The following NR3C1 variants were observed in gnomAD, a reference collection of about 807,000 sequenced individuals.
The protein encoded by NR3C1 is glucocorticoid receptor.
A neutral mutation model predicts 74.0 loss-of-function variants in NR3C1; 14 were observed. The ratio of observed to expected loss-of-function variants is 0.19; its 90% CI spans 0.12 to 0.30. The LOEUF is 0.30. Ranked by LOEUF, NR3C1 falls within the 10% of genes least tolerant of loss-of-function variation. The pLI is 1.00. For synonymous variants in NR3C1, 308 were observed against 332.5 expected, an observed-to-expected ratio of 0.93 and a Z score of 0.80; for missense variants, 695 against 909.8, an observed-to-expected ratio of 0.76 and a Z score of 3.04.
chr5:143,333,101 G>A, intron 2 of NR3C1: 1 of 1,594,522 alleles, frequency 6.3e-7, no homozygotes, highest in Non-Finnish European at 8.5e-7. Context: ...ATTTCCAGGA[G>A]ATCTCATGGT....
Position 143,362,629 on chromosome 5 carries a change from G to A in NR3C1, c.1184+37027C>T, listed in dbSNP as rs147054227. Among the ~76,000 whole-genome samples, 162 of 152,062 alleles carry A rather than the reference G, an allele frequency of 1.1e-3. 3 individuals carry two copies. In the East Asian group the frequency reaches 0.023, roughly 21 times the overall value. ...ACCTGCCTCAGCCTCCCAAAGTGCC[G>A]GGATTACAGGTGTGAGCCACTGTAT... On this transcript the variant is annotated intron_variant, in intron 2 of 8. Transcript: ENST00000394464.
At chr5:143,344,555 T>C (rs1431285730) in intron 2 of NR3C1, among the ~76,000 whole-genome samples, 3 of 152,166 alleles carry the variant, frequency 2.0e-5, no homozygotes, top group East Asian at 1.9e-4. Context: ...TTGTTCAACA[T>C]TGTTTTAACG....
In NR3C1 at chr5:143,279,027, CT is replaced by C. The variant is rs1205335607; in HGVS notation, c.*2861del. ...AGAATACCTACAAACACTAAAAATA[CT>C]TTTCAGGATTTGTTGTGAGTAACCA... On this transcript the variant is annotated 3_prime_UTR_variant, in exon 9 of 9. Transcript: ENST00000394464. 1 of 292,136 alleles carries C rather than the reference CT, an allele frequency of 3.4e-6. No individual in the cohort carries two copies. Among genetic ancestry groups the C allele is most frequent in the Admixed American group, 5.7e-5 (1 of 17,444 alleles). The allele number at this position is 292,136 out of a possible 1,614,324, so 18.1% of individuals were successfully genotyped here. A position where few individuals can be genotyped will look rare whatever the true frequency, so the allele number is the denominator to read the frequency against.
intron 1 of NR3C1, among the ~76,000 whole-genome samples, chr5:143,418,663 CA>C (rs1751049644): frequency 6.6e-6 from 1 of 152,074 alleles, no homozygotes; most frequent in Non-Finnish European, 1.5e-5. Flanking sequence ...AAGGTGAAGG[CA>C]GGGGTCAGGG....
chr5:143,291,710 T>A (rs1036147004), intron 7 of NR3C1, among the ~76,000 whole-genome samples: 7 of 152,216 alleles, frequency 4.6e-5, no homozygotes, highest in Non-Finnish European at 1.0e-4. Flanking sequence ...CTTTGACCTA[T>A]CTATCTTCAA....
rs1159142274 is a variant in NR3C1 at position 143,281,784 on chromosome 5, C to G, written c.*105G>C. On this transcript the variant is annotated 3_prime_UTR_variant, in exon 9 of 9. Transcript: ENST00000394464. ...TTTAAAACAAAACAACAGATGAAAA[C>G]AATAAAAAATAAAACAACAAAACCT... 11 of 1,264,710 alleles carry G rather than the reference C, an allele frequency of 8.7e-6. No homozygotes were observed. The highest frequency in any genetic ancestry group is 1.1e-5 in the Non-Finnish European group (10 of 886,266). The allele number at this position is 1,264,710 out of a possible 1,614,324, so 78.3% of individuals were successfully genotyped here.
At chr5:143,422,406 T>TA (rs573629489) in intron 1 of NR3C1, among the ~76,000 whole-genome samples, 36 of 152,312 alleles carry the variant, frequency 2.4e-4, no homozygotes, top group Non-Finnish European at 5.1e-4. Context: ...AACTCTCTGT[T>TA]TCTCACTGTT....
At chr5:143,321,397 A>T (rs1201504545) in intron 2 of NR3C1, among the ~76,000 whole-genome samples, 1 of 152,164 alleles carries the variant, frequency 6.6e-6, no homozygotes, top group African/African-American at 2.4e-5. Flanking sequence ...CTGTAACACT[A>T]TGTCAGGACC....
upstream of NR3C1, chr5:143,407,514 C>T (rs975881927): frequency 1.3e-5 from 2 of 152,174 alleles, no homozygotes; most frequent in African/African-American, 4.8e-5. Flanking sequence ...CTGTATCACC[C>T]ACCAGAACAT....
At chr5:143,293,527 T>G (rs1816420587) in intron 7 of NR3C1, among the ~76,000 whole-genome samples, 1 of 152,140 alleles carries the variant, frequency 6.6e-6, no homozygotes, top group Non-Finnish European at 1.5e-5. Context: ...TTGAAATCAT[T>G]TTAAAAAAGA....
chr5:143,307,008 T>C (rs1311895461), intron 4 of NR3C1, among the ~76,000 whole-genome samples: 1 of 149,940 alleles, frequency 6.7e-6, no homozygotes, highest in Non-Finnish European at 1.5e-5. Context: ...GCCATTCTCC[T>C]GCCTCAGCCT....
At position 143,319,810 on chromosome 5, in the gene NR3C1, A is replaced by T. The variant is rs990000854; in HGVS notation, c.1185-5642T>A. Among the ~76,000 whole-genome samples, 3 of 152,212 alleles carry T rather than the reference A, an allele frequency of 2.0e-5. No homozygotes were observed. In the South Asian group the frequency reaches 6.2e-4, roughly 32 times the overall value. The stretch of plus-strand genomic sequence containing the variant: ...GCAACATAAAGTGGAAAAGAAAAAA[A>T]AAAAGGGACCAGAAACATTTTAAAA... On this transcript the variant is annotated intron_variant, in intron 2 of 8. Transcript: ENST00000394464.
intron 2 of NR3C1, among the ~76,000 whole-genome samples, chr5:143,375,299 C>A (rs1834989233): frequency 6.6e-6 from 1 of 151,932 alleles, no homozygotes; most frequent in South Asian, 2.1e-4. Context: ...AAGATTTAAA[C>A]CTAAAAAAAA....
chr5:143,396,589 C>T (rs1176078759), intron 2 of NR3C1, among the ~76,000 whole-genome samples: 1 of 151,706 alleles, frequency 6.6e-6, no homozygotes, highest in Non-Finnish European at 1.5e-5. Context: ...TTGTACAGGT[C>T]TTCAATTTCA....
At chr5:143,366,760 G>GA (rs1833285158) in intron 2 of NR3C1, among the ~76,000 whole-genome samples, 1 of 151,974 alleles carries the variant, frequency 6.6e-6, no homozygotes, top group African/African-American at 2.4e-5. Flanking sequence ...GACTCAAGGA[G>GA]AAAAAAATCT....
chr5:143,304,163 C>G (rs1402595620), intron 4 of NR3C1, among the ~76,000 whole-genome samples: 1 of 151,944 alleles, frequency 6.6e-6, no homozygotes, highest in Non-Finnish European at 1.5e-5. Flanking sequence ...CCTAGAAAAC[C>G]CTGAAGACTC....
rs1427007779 is a variant in NR3C1 at position 143,279,405 on chromosome 5, T to TAAC, written c.*2481_*2483dup. On this transcript the variant is annotated 3_prime_UTR_variant, in exon 9 of 9. Coordinates refer to ENST00000394464, the MANE Select transcript of NR3C1 (RefSeq NM_000176.3). ...GATGTGCTTTCTGGTTTTAACCACA[T>TAAC]AACATTCTATAAAGGAATGATAATC... 5 of 1,539,556 alleles carry TAAC rather than the reference T, an allele frequency of 3.2e-6. No homozygotes were observed. The highest frequency in any genetic ancestry group is 4.2e-5 in the Admixed American group (2 of 47,934).
rs777561389 is a variant in NR3C1, at chr5:143,399,702, T to A, written c.1138A>T (p.Thr380Ser). The A allele has an allele frequency of 1.9e-6, 3 of 1,613,958 alleles. No individual in the cohort carries two copies. The highest frequency in any genetic ancestry group is 1.6e-4 in the Middle Eastern group (1 of 6,084). Residue 380 changes from threonine (T) to serine (S), a missense_variant, in exon 2 of 9, where the codon ACT becomes TCT. This residue lies in a region of NR3C1 where 497 missense variants were observed against 489.5 expected (regional missense o/e 1.02). Transcript: ENST00000394464. ...ACTGTTCGACCAGGGAAGTTCAGAG[T>A]CCCCAGAGAAGTCAAGTTGTCATCT... ...SGDDNLTSLG[T>S]LNFPGRTVFS...
Position 143,300,867 on chromosome 5 carries a change from G to T in NR3C1, c.1469-104C>A. 8.8e-7 allele frequency: 1 copy of T among 1,141,492 alleles called. No individual in the cohort carries two copies. Among genetic ancestry groups the T allele is most frequent in the Non-Finnish European group, 1.2e-6 (1 of 815,930 alleles). 70.7% of individuals were successfully genotyped at this position (1,141,492 alleles called of 1,614,324 possible). ...TTTACTTTCTAAAACTATTAAGATG[G>T]GAGAAATATTTTATTTAGCAATTAT... On this transcript the variant is annotated intron_variant, in intron 4 of 8. Transcript: ENST00000394464. This position sits in a 1 kb window ranked among gnomAD's most constrained non-coding sequence, Gnocchi z 5.2.
Sources: allele counts gnomAD v4.1 joint callset (sites outside exome capture counted in the v4.1 genomes callset), GRCh38; gene constraint gnomAD v4.1.1; regional missense constraint gnomAD v4.1.1; non-coding constraint Gnocchi (gnomAD v3.1); transcripts MANE v1.5; gene names NCBI Gene and HGNC (gene_info 2026-07-23, HGNC 2026-07-21).